BBS9: variants seen among roughly 807,000 people sequenced by gnomAD.
The protein encoded by BBS9 is Bardet-Biedl syndrome 9, also known as protein PTHB1.
BBS9 carries 89 observed loss-of-function variants against 117.7 expected under a neutral mutation model. That is an observed-to-expected ratio of 0.76 (90% confidence interval 0.64 to 0.90). The LOEUF (loss-of-function observed/expected upper bound fraction) is 0.90. BBS9 is among the 40% of genes least tolerant of loss of function. The pLI is 0.00. For missense variants in BBS9, 982 were observed against 1,042.2 expected (o/e 0.94, Z 0.80); for synonymous variants, 379 against 370.9 (o/e 1.02, Z -0.25).
At chr7:33,251,266 C>T (rs189010838) in intron 5 of BBS9, among the ~76,000 whole-genome samples, 6 of 152,286 alleles carry the variant, frequency 3.9e-5, no homozygotes, top group South Asian at 2.1e-4. Context: ...ATGCTCCTCA[C>T]GCATTACTCA....
intron 11 of BBS9, 130 bp from the exon 12 acceptor site, chr7:33,344,451 A>G: frequency 2.3e-6 from 2 of 885,202 alleles, no homozygotes; most frequent in Admixed American, 1.8e-5. Flanking sequence ...TTAGTCTGTC[A>G]TTAGAGTAAT....
At chr7:33,623,225 A>C (rs1429531866) in intron 21 of BBS9, among the ~76,000 whole-genome samples, 1 of 152,240 alleles carries the variant, frequency 6.6e-6, no homozygotes. Context: ...TCTTAATATG[A>C]GCAAAAACAT....
chr7:33,497,255 G>C (rs566067711), intron 19 of BBS9, among the ~76,000 whole-genome samples: 1 of 152,316 alleles, frequency 6.6e-6, no homozygotes, highest in East Asian at 1.9e-4. Flanking sequence ...CATCACTTGG[G>C]TTCCATTCAA....
intron 15 of BBS9, among the ~76,000 whole-genome samples, chr7:33,355,355 G>C (rs924788264): frequency 1.3e-5 from 2 of 151,860 alleles, no homozygotes; most frequent in African/African-American, 4.8e-5. Flanking sequence ...CTAAAAACTA[G>C]AGATTGTATT....
chr7:33,291,767 G>A (rs1804091630), intron 9 of BBS9, among the ~76,000 whole-genome samples: 1 of 152,180 alleles, frequency 6.6e-6, no homozygotes, highest in Non-Finnish European at 1.5e-5. Flanking sequence ...GAATAGCAGT[G>A]TTAAATGGAG....
intron 13 of BBS9, 32 bp from the exon 14 acceptor site, chr7:33,351,187 T>G: frequency 5.5e-6 from 8 of 1,447,958 alleles, no homozygotes; most frequent in Non-Finnish European, 7.8e-6. Flanking sequence ...CCCCAAATTA[T>G]GTAATTTATA....
intron 9 of BBS9, among the ~76,000 whole-genome samples, chr7:33,333,985 A>T (rs949623063): frequency 6.6e-6 from 1 of 152,194 alleles, no homozygotes; most frequent in Non-Finnish European, 1.5e-5. Flanking sequence ...CTGTCAAGAC[A>T]TTCTGGTGAA....
intron 6 of BBS9, 86 bp from the exon 7 acceptor site, chr7:33,264,204 G>T (rs918743807): frequency 9.0e-6 from 6 of 667,144 alleles, no homozygotes; most frequent in Admixed American, 7.4e-5. Flanking sequence ...AAAGTTTATA[G>T]ATTATTGTGT....
intron 13 of BBS9, 24 bp downstream of exon 13, chr7:33,349,194 A>G: frequency 6.6e-7 from 1 of 1,526,644 alleles, no homozygotes; most frequent in Non-Finnish European, 9.1e-7. Flanking sequence ...TTTGGCTGAA[A>G]GTCTACCATG....
chr7:33,547,694 CAG>C (rs1853638382), intron 21 of BBS9, among the ~76,000 whole-genome samples: 1 of 152,130 alleles, frequency 6.6e-6, no homozygotes, highest in Admixed American at 6.5e-5. Flanking sequence ...AGGACAAGGC[CAG>C]CCATTTAGCA....
chr7:33,489,533 T>C (rs1365393069), intron 19 of BBS9, among the ~76,000 whole-genome samples: 1 of 152,106 alleles, frequency 6.6e-6, no homozygotes, highest in Non-Finnish European at 1.5e-5. Context: ...AGGAGACTGC[T>C]CAACTTACCA....
At chr7:33,176,657 G>C (rs1232390482) in intron 4 of BBS9, among the ~76,000 whole-genome samples, 2 of 152,088 alleles carry the variant, frequency 1.3e-5, no homozygotes, top group Non-Finnish European at 2.9e-5. Context: ...TATTTTTAGT[G>C]ATTGAGTACT....
chr7:33,220,560 A>G (rs949386526), intron 5 of BBS9, among the ~76,000 whole-genome samples: 5 of 152,256 alleles, frequency 3.3e-5, no homozygotes, highest in South Asian at 4.1e-4. Context: ...TAAAGGCTAC[A>G]TTTAAGCAGT....
At chr7:33,344,032 T>C (rs1231741393) in intron 11 of BBS9, among the ~76,000 whole-genome samples, 1 of 151,262 alleles carries the variant, frequency 6.6e-6, no homozygotes. Flanking sequence ...GGGAATGGAG[T>C]GGTTTGATAA....
At chr7:33,410,943 T>C (rs548142498) in intron 19 of BBS9, among the ~76,000 whole-genome samples, 2 of 147,682 alleles carry the variant, frequency 1.4e-5, no homozygotes, top group Non-Finnish European at 3.0e-5. Flanking sequence ...TCTTATTTCA[T>C]GTATCCGTCT....
chr7:33,471,110 G>C (rs1279284691), intron 19 of BBS9, among the ~76,000 whole-genome samples: 1 of 152,090 alleles, frequency 6.6e-6, no homozygotes, highest in African/African-American at 2.4e-5. Flanking sequence ...GCATCAACTT[G>C]GGTAACTCTT....
intron 20 of BBS9, among the ~76,000 whole-genome samples, chr7:33,528,327 G>T (rs1465791392): frequency 6.8e-6 from 1 of 147,376 alleles, no homozygotes; most frequent in African/African-American, 2.5e-5. Context: ...AGGTCTCGTG[G>T]TTTTTTGTTT....
At chr7:33,282,147 A>G (rs1562933205) in intron 9 of BBS9, among the ~76,000 whole-genome samples, 1 of 152,164 alleles carries the variant, frequency 6.6e-6, no homozygotes, top group Non-Finnish European at 1.5e-5. Flanking sequence ...TTTAGAGAAA[A>G]TAATAACCTT....
intron 6 of BBS9, 148 bp downstream of exon 6, chr7:33,257,558 C>T (rs1797289721): frequency 2.6e-6 from 2 of 766,076 alleles, no homozygotes; most frequent in East Asian, 5.4e-5. Flanking sequence ...TAGACTATAT[C>T]ATTTACTATT....
Sources: gnomAD v4.1 joint callset for allele counts (sites outside exome capture counted in the v4.1 genomes callset) on GRCh38, gnomAD v4.1.1 for gene constraint, MANE v1.5 for transcripts, NCBI Gene and HGNC (gene_info 2026-07-23, HGNC 2026-07-21) for gene names.